The following HMCN2 variants were observed in gnomAD, a reference collection of about 807,000 sequenced individuals.
HMCN2 encodes hemicentin-2.
HMCN2 carries 325 observed loss-of-function variants against 377.5 expected under a neutral mutation model. The observed-to-expected ratio is 0.86, with a 90% confidence interval of 0.79 to 0.94. The LOEUF is 0.94. HMCN2 is among the 40% of genes least tolerant of loss of function. The pLI, the probability that HMCN2 is intolerant of heterozygous loss-of-function variation, is 0.00. For synonymous variants in HMCN2, 2,007 were observed against 2,046.8 expected (o/e 0.98, Z 0.53); for missense variants, 4,543 against 4,725.3 (o/e 0.96, Z 1.13).
intron 76 of HMCN2, 42 bp from the exon 77 acceptor site, chr9:130,400,741 T>C: frequency 8.0e-7 from 1 of 1,253,862 alleles, no homozygotes; most frequent in Non-Finnish European, 1.0e-6. Context: ...GTGAGTGCCC[T>C]GTGCCCGCCG....
chr9:130,294,130 A>G (rs1402109206), intron 4 of HMCN2, among the ~76,000 whole-genome samples: 1 of 152,148 alleles, frequency 6.6e-6, no homozygotes, highest in East Asian at 1.9e-4. Flanking sequence ...GTTTGTGCTC[A>G]GTTTGTGGTA....
intron 19 of HMCN2, among the ~76,000 whole-genome samples, chr9:130,324,277 T>C (rs1167060375): frequency 6.6e-6 from 1 of 152,208 alleles, no homozygotes; most frequent in Admixed American, 6.5e-5. Context: ...ACAGTATTTG[T>C]CCTCCTATGT....
intron 1 of HMCN2, among the ~76,000 whole-genome samples, chr9:130,276,865 C>T (rs908341744): frequency 6.6e-6 from 1 of 152,138 alleles, no homozygotes; most frequent in Non-Finnish European, 1.5e-5. Context: ...TGGCTGAGTG[C>T]GGGACCTACC....
In HMCN2 at chr9:130,410,615, G is replaced by C; in HGVS notation, c.12924G>C (p.Met4308Ile). 1 of 1,550,650 alleles carries C rather than the reference G, an allele frequency of 6.4e-7. No homozygotes were observed. Among genetic ancestry groups the C allele is most frequent in the Non-Finnish European group, 8.7e-7 (1 of 1,147,006 alleles). The change falls in exon 85 of 98, where the codon ATG becomes ATC. Residue 4308 changes from methionine to isoleucine, a missense_variant. Around this residue, in one of 5 missense-constraint regions of HMCN2, gnomAD observed 1,155 missense variants for 1,157.7 expected, o/e 1.00. Coordinates refer to ENST00000683500, the MANE Select transcript of HMCN2 (RefSeq NM_001291815.2). Reference protein sequence around the residue: ...GRYQCLAENEMGVAKKVVILV... With the variant: ...GRYQCLAENEIGVAKKVVILV... The stretch of plus-strand genomic sequence containing the variant: ...ACCAGTGCCTGGCAGAGAATGAGAT[G>C]GGCGTGGCGAAGAAAGTGGTGATCC...
chr9:130,316,990 G>A lies in HMCN2; in HGVS notation c.2351-2505G>A, dbSNP rs897135421. Among the ~76,000 whole-genome samples, 16 of 152,276 alleles carry A rather than the reference G, an allele frequency of 1.1e-4. No individual in the cohort carries two copies. The East Asian group carries it at 3.1e-3, about 29-fold the overall frequency. On this transcript the variant is annotated intron_variant, in intron 15 of 97. Coordinates refer to ENST00000683500, the MANE Select transcript of HMCN2 (RefSeq NM_001291815.2). ...TTTGGGGGGCTCCAGGTTAGCAGGG[G>A]GAGGGATGGCTGCACAGACCCATGG...
rs1468230731 is a variant in HMCN2 at position 130,382,306 on chromosome 9, C to T, written c.8545+9C>T. On this transcript the variant is annotated intron_variant, in intron 55 of 97. Coordinates refer to ENST00000683500, the MANE Select transcript of HMCN2 (RefSeq NM_001291815.2). The stretch of plus-strand genomic sequence containing the variant: ...CGAGCTGCTGGTGCTGAGTGAGTGG[C>T]GGGGCCTGCAGGTGGGGATTCCCGG... 1 of 983,078 alleles carries T rather than the reference C, an allele frequency of 1.0e-6. No homozygotes were observed. The highest frequency in any genetic ancestry group is 1.2e-6 in the Non-Finnish European group (1 of 827,424). The allele number at this position is 983,078 out of a possible 1,614,324, so 60.9% of individuals were successfully genotyped here.
At position 130,375,635 on chromosome 9, in the gene HMCN2, T is replaced by A; in HGVS notation, c.7703T>A (p.Ile2568Asn). The change falls in exon 50 of 98, where the codon ATC becomes AAC. Residue 2568 changes from isoleucine (I) to asparagine (N), a missense_variant. Transcript: ENST00000683500. ...GTGACCGTGACTGTCAACAACCCCA[T>A]CTCTCTGATCTGCGAGGCCCTGGCC... is the stretch of plus-strand genomic sequence containing the variant. ...EEVTVTVNNP[I>N]SLICEALAFP... is the part of the protein sequence containing the mutation. 4.1e-6 allele frequency: 4 copies of A among 985,732 alleles called. No individual in the cohort carries two copies. The highest frequency in any genetic ancestry group is 4.8e-6 in the Non-Finnish European group (4 of 829,914). 61.1% of individuals were successfully genotyped at this position (985,732 alleles called of 1,614,324 possible).
At chr9:130,372,138 G>A (rs180697996) in intron 46 of HMCN2, among the ~76,000 whole-genome samples, 156 bp from the exon 47 acceptor site, 4 of 152,138 alleles carry the variant, frequency 2.6e-5, no homozygotes, top group Non-Finnish European at 4.4e-5. Flanking sequence ...TACCCTCCTG[G>A]GCCTCAGTTT....
Position 130,418,923 on chromosome 9 carries a change from C to A in HMCN2, c.13113C>A (p.Thr4371=). Reference sequence around the variant, plus strand: ...TGCGGGCCAGCCGGCGGCTCCGGACCCTGCCCGATGGGAGCCTGTGGCTGG... The same window carrying A: ...TGCGGGCCAGCCGGCGGCTCCGGACACTGCCCGATGGGAGCCTGTGGCTGG... The part of the protein sequence containing the change: ...QPLRASRRLR[T]LPDGSLWLEN... The change falls in exon 86 of 98, where the codon ACC becomes ACA. Residue 4371 remains threonine, a synonymous_variant. Coordinates refer to ENST00000683500, the MANE Select transcript of HMCN2 (RefSeq NM_001291815.2). 5.8e-6 allele frequency: 9 copies of A among 1,546,504 alleles called. No individual in the cohort carries two copies. Among genetic ancestry groups the A allele is most frequent in the Non-Finnish European group, 7.9e-6 (9 of 1,144,880 alleles).
At position 130,427,555 on chromosome 9, in the gene HMCN2, C is replaced by G. The variant is rs903357107; in HGVS notation, c.14001C>G (p.Pro4667=). 2 of 1,550,400 alleles carry G rather than the reference C, an allele frequency of 1.3e-6. No individual in the cohort carries two copies. The highest frequency in any genetic ancestry group is 2.0e-5 in the Admixed American group (1 of 50,994). ...SPCSHACLNA[P]GRFSCTCPTG... ...GCTCCCATGCCTGCCTTAATGCACC[C>G]GGCCGCTTCTCCTGCACCTGCCCCA... The change falls in exon 92 of 98, where the codon CCC becomes CCG. Residue 4667 remains proline, a synonymous_variant. Coordinates refer to ENST00000683500, the MANE Select transcript of HMCN2 (RefSeq NM_001291815.2).
intron 14 of HMCN2, among the ~76,000 whole-genome samples, chr9:130,309,514 CAAAAAAAAA>C (rs143190808): frequency 9.7e-5 from 7 of 72,386 alleles, no homozygotes; most frequent in African/African-American, 3.3e-4. Flanking sequence ...GACTCTGTCT[CAAAAAAAAA>C]AAAAAAAAAA....
Position 130,388,000 on chromosome 9 carries a change from A to G in HMCN2, c.9392-409A>G, listed in dbSNP as rs191101001. On this transcript the variant is annotated intron_variant, in intron 61 of 97. Transcript: ENST00000683500. Reference sequence around the variant, plus strand: ...CCAGCCCTTTCTGATGGCTACATTGATGAACAGTGGAAAGGGGGAATATCT... The same window carrying G: ...CCAGCCCTTTCTGATGGCTACATTGGTGAACAGTGGAAAGGGGGAATATCT... 5.9e-5 allele frequency among the ~76,000 whole-genome samples: 9 copies of G among 152,350 alleles called. 1 individual carries two copies. In the East Asian group the frequency reaches 1.7e-3, roughly 29 times the overall value.
chr9:130,353,176 C>T lies in HMCN2; in HGVS notation c.4835C>T (p.Ala1612Val), dbSNP rs1478924981. ...AAGGCCAGCAATGCTGTGGGGGCCG[C>T]AGAGAAGGCCACCAGGCTGGATGTT... ...TCKASNAVGA[A>V]EKATRLDVYV... Residue 1612 changes from alanine to valine, a missense_variant, in exon 31 of 98, where the codon GCA (alanine) becomes GTA (valine). Around this residue, in one of 5 missense-constraint regions of HMCN2, gnomAD observed 1,032 missense variants for 1,285.1 expected, o/e 0.80. Transcript: ENST00000683500. The T allele has an allele frequency of 2.3e-6, 3 of 1,303,866 alleles. No individual in the cohort carries two copies. In the African/African-American group the frequency reaches 4.6e-5, roughly 20 times the overall value. The allele number at this position is 1,303,866 out of a possible 1,614,324, so 80.8% of individuals were successfully genotyped here.
At position 130,353,112 on chromosome 9, in the gene HMCN2, G is replaced by A. The variant is rs150838788; in HGVS notation, c.4771G>A (p.Gly1591Arg). ...TAGGGGCGGTCGGCAGTTGCAGCTG[G>A]GGAGGGCCCAGAGCTCCGATGCCGG... ...YTRGGRQLQL[G>R]RAQSSDAGVY... The change falls in exon 31 of 98, where the codon GGG (glycine) becomes AGG (arginine). Residue 1591 changes from glycine to arginine, a missense_variant. Coordinates refer to ENST00000683500, the MANE Select transcript of HMCN2 (RefSeq NM_001291815.2). 2.5e-5 allele frequency: 32 copies of A among 1,304,240 alleles called. No individual in the cohort carries two copies. In the East Asian group the frequency reaches 1.6e-3, roughly 66 times the overall value. 80.8% of individuals were successfully genotyped at this position (1,304,240 alleles called of 1,614,324 possible).
chr9:130,409,020 C>A lies in HMCN2; in HGVS notation c.12879+87C>A, dbSNP rs7025926. ...TGTTCAAGAGGGTTCTTCCTATTGC[C>A]CCCTCTGCTTCTGCAGTGTACAAAG... On this transcript the variant is annotated intron_variant, in intron 84 of 97. Coordinates refer to ENST00000683500, the MANE Select transcript of HMCN2 (RefSeq NM_001291815.2). 6,221 of 911,272 alleles carry A rather than the reference C, an allele frequency of 6.8e-3. 306 individuals carry two copies. In the African/African-American group the frequency reaches 0.096, roughly 14 times the overall value. 56.4% of individuals were successfully genotyped at this position (911,272 alleles called of 1,614,324 possible). A position where few individuals can be genotyped will look rare whatever the true frequency, so the allele number is the denominator to read the frequency against.
chr9:130,390,516 C>T (rs1842259438), intron 62 of HMCN2, among the ~76,000 whole-genome samples: 1 of 151,874 alleles, frequency 6.6e-6, no homozygotes, highest in Non-Finnish European at 1.5e-5. Context: ...TGGCTTTGGG[C>T]AGGGGTGTGG....
At position 130,430,477 on chromosome 9, in the gene HMCN2, C is replaced by T; in HGVS notation, c.14520C>T (p.Pro4840=). The T allele has an allele frequency of 6.4e-7, 1 of 1,550,562 alleles. No individual in the cohort carries two copies. Among genetic ancestry groups the T allele is most frequent in the Non-Finnish European group, 8.7e-7 (1 of 1,146,944 alleles). ...GCCCTCTATTGCCCTGGCTGCGGCC[C>T]TGGGCCTCGATCCCCGGTACCTCCT... The part of the protein sequence containing the change: ...HRGPLLPWLR[P]WASIPGTSYH... Residue 4840 remains proline (P), a synonymous_variant, in exon 95 of 98, where the codon CCC becomes CCT. Transcript: ENST00000683500.
At chr9:130,364,051 T>C (rs1451887567) in intron 40 of HMCN2, among the ~76,000 whole-genome samples, 2 of 150,808 alleles carry the variant, frequency 1.3e-5, no homozygotes, top group Non-Finnish European at 3.0e-5. Context: ...GGGCGGGAGG[T>C]TATAGGAAGG....
rs771925105 is a variant in HMCN2, at chr9:130,433,711, C to T, written c.*18C>T. The stretch of plus-strand genomic sequence containing the variant: ...CCTACTAAACGGGAGAGGGCATTGG[C>T]GGCCGCCCTGGCGTGACCCCCGAGG... On this transcript the variant is annotated 3_prime_UTR_variant, in exon 98 of 98. Coordinates refer to ENST00000683500, the MANE Select transcript of HMCN2 (RefSeq NM_001291815.2). 7.6e-6 allele frequency: 11 copies of T among 1,448,610 alleles called. No individual in the cohort carries two copies. The South Asian group carries it at 8.6e-5, about 11-fold the overall frequency. The allele number at this position is 1,448,610 out of a possible 1,614,324, so 89.7% of individuals were successfully genotyped here.
Sources: gnomAD v4.1 joint callset for allele counts (sites outside exome capture counted in the v4.1 genomes callset) on GRCh38, gnomAD v4.1.1 for gene constraint, gnomAD v4.1.1 regional missense constraint, MANE v1.5 for transcripts, NCBI Gene and HGNC (gene_info 2026-07-23, HGNC 2026-07-21) for gene names.